The following CRTC3 variants were observed in gnomAD, a reference collection of about 807,000 sequenced individuals.
The protein encoded by CRTC3 is CREB regulated transcription coactivator 3.
In CRTC3, 26 loss-of-function variants were observed where a neutral mutation model predicts 74.5. The observed-to-expected ratio is 0.35, with a 90% CI of 0.26 to 0.48. The LOEUF is 0.48. Among genes scored for constraint, CRTC3 ranks in the 20% least tolerant of loss-of-function variants. CRTC3 has a pLI of 0.99. For synonymous variants in CRTC3, 377 were observed against 325.8 expected (o/e 1.16, Z -1.69); for missense variants, 760 against 787.3 (o/e 0.97, Z 0.41).
chr15:90,596,813 A>G (rs1596110693), intron 3 of CRTC3, among the ~76,000 whole-genome samples: 1 of 152,370 alleles, frequency 6.6e-6, no homozygotes, highest in African/African-American at 2.4e-5. Context: ...ATTTGAAAGT[A>G]TAAAACACTA....
At chr15:90,581,841 C>T (rs1226719819) in intron 2 of CRTC3, among the ~76,000 whole-genome samples, 1 of 152,166 alleles carries the variant, frequency 6.6e-6, no homozygotes, top group Non-Finnish European at 1.5e-5. Context: ...ATTCAGAATG[C>T]AGTGGGGGTG....
At chr15:90,531,299 T>C (rs7496379) in intron 1 of CRTC3, among the ~76,000 whole-genome samples, 127,098 of 151,972 alleles carry the variant, frequency 0.84, 53,681 homozygotes, top group Non-Finnish European at 0.9. Context: ...TAACACTAAT[T>C]CTGAATTCCT....
intron 2 of CRTC3, among the ~76,000 whole-genome samples, chr15:90,562,224 A>G (rs1462045987): frequency 6.6e-6 from 1 of 152,242 alleles, no homozygotes; most frequent in Non-Finnish European, 1.5e-5. Context: ...GACATATGAC[A>G]GAAGTTTAAG....
chr15:90,535,161 C>T (rs1187789634), intron 1 of CRTC3, among the ~76,000 whole-genome samples: 1 of 128,372 alleles, frequency 7.8e-6, no homozygotes, highest in Non-Finnish European at 1.6e-5. Context: ...AACTCCGTCT[C>T]AAAAAAAAAA....
Position 90,607,459 on chromosome 15 carries a change from C to G in CRTC3, c.558C>G (p.Ala186=), listed in dbSNP as rs1424974254. Residue 186 remains alanine (A), a synonymous_variant, in exon 6 of 15, where the codon GCC becomes GCG. Transcript: ENST00000268184. ...CCTATGGAGGAGGGGGCCAGTCGGC[C>G]TGGCCTGCCCCATACATGGGTAAGA... is the stretch of plus-strand genomic sequence containing the variant. The part of the protein sequence containing the change: ...QDPYGGGGQS[A]WPAPYMGFCD... 1 of 1,609,724 alleles carries G rather than the reference C, an allele frequency of 6.2e-7. No homozygotes were observed. The highest frequency in any genetic ancestry group is 8.5e-7 in the Non-Finnish European group (1 of 1,176,748).
intron 2 of CRTC3, among the ~76,000 whole-genome samples, chr15:90,565,012 G>C (rs1272429811): frequency 6.6e-6 from 1 of 152,028 alleles, no homozygotes; most frequent in Non-Finnish European, 1.5e-5. Context: ...ATGCGATCTT[G>C]GCTCACCGCA....
chr15:90,619,890 C>T (rs893374912), intron 9 of CRTC3, 100 bp downstream of exon 9: 4 of 966,834 alleles, frequency 4.1e-6, no homozygotes. Flanking sequence ...ACGTAACTTG[C>T]TATGCATAAA....
At chr15:90,605,084 G>C (rs1355470134) in intron 5 of CRTC3, among the ~76,000 whole-genome samples, 2 of 151,412 alleles carry the variant, frequency 1.3e-5, no homozygotes, top group East Asian at 1.9e-4. Flanking sequence ...AAGATGGTGA[G>C]ACCCTGTCTC....
At chr15:90,583,334 T>C (rs554292485) in intron 2 of CRTC3, among the ~76,000 whole-genome samples, 1 of 152,268 alleles carries the variant, frequency 6.6e-6, no homozygotes, top group South Asian at 2.1e-4. Flanking sequence ...AAATACAGAC[T>C]AGGAAGGGGC....
chr15:90,547,182 A>G (rs2151059660), intron 2 of CRTC3, among the ~76,000 whole-genome samples: 1 of 152,336 alleles, frequency 6.6e-6, no homozygotes, highest in East Asian at 1.9e-4. Context: ...TACCTTGTGG[A>G]ATGGCTAAAT....
rs767192680 is a variant in CRTC3, at chr15:90,593,769, C to T, written c.351+14C>T. Reference sequence around the variant, plus strand: ...CCAGGGCGACAAATATCCTTTTTTACTCTTCAAAGGGAGTGTGCATTCTGA... The same window carrying T: ...CCAGGGCGACAAATATCCTTTTTTATTCTTCAAAGGGAGTGTGCATTCTGA... On this transcript the variant is annotated intron_variant, in intron 3 of 14. Coordinates refer to ENST00000268184, the MANE Select transcript of CRTC3 (RefSeq NM_022769.5). 9.4e-6 allele frequency: 15 copies of T among 1,594,220 alleles called. No individual in the cohort carries two copies. Among genetic ancestry groups the T allele is most frequent in the Non-Finnish European group, 8.6e-7 (1 of 1,164,130 alleles).
At chr15:90,604,611 T>C (rs1161612536) in intron 5 of CRTC3, 164 bp downstream of exon 5, 1 of 603,214 alleles carries the variant, frequency 1.7e-6, no homozygotes, top group Non-Finnish European at 3.0e-6. Context: ...GGGGAAAGTA[T>C]AGAGCACACG....
chr15:90,530,278 G>T lies in CRTC3; in HGVS notation c.132+75G>T. The T allele has an allele frequency of 1.1e-6, 1 of 913,324 alleles. No homozygotes were observed. The highest frequency in any genetic ancestry group is 1.1e-4 in the East Asian group (1 of 9,124). The allele number at this position is 913,324 out of a possible 1,614,324, so 56.6% of individuals were successfully genotyped here. A position where few individuals can be genotyped will look rare whatever the true frequency, so the allele number is the denominator to read the frequency against. On this transcript the variant is annotated intron_variant, in intron 1 of 14. Transcript: ENST00000268184. The surrounding 1 kb of genome is among the most constrained non-coding windows in gnomAD (Gnocchi z 6.2). ...ACCCGCGCGGCGGGTGAGAGGTTGC[G>T]GGGCCAAGGCGATGGCGGGGCCGGG... is the stretch of plus-strand genomic sequence containing the variant.
intron 6 of CRTC3, among the ~76,000 whole-genome samples, chr15:90,612,332 G>C (rs1968383456): frequency 6.6e-6 from 1 of 152,086 alleles, no homozygotes. Context: ...CACATAGTAA[G>C]TGAGCAGTCA....
intron 2 of CRTC3, among the ~76,000 whole-genome samples, chr15:90,546,459 T>A (rs1966844468): frequency 6.6e-6 from 1 of 152,234 alleles, no homozygotes; most frequent in Non-Finnish European, 1.5e-5. Context: ...ATTTTGCTAA[T>A]ACCACACTGT....
In CRTC3 at chr15:90,642,736, G is replaced by GTC. The variant is rs1373568317; in HGVS notation, c.*596_*597insTC. 1.3e-5 allele frequency: 3 copies of GTC among 231,704 alleles called. No homozygotes were observed. In the East Asian group the frequency reaches 1.8e-4, roughly 14 times the overall value. 14.4% of individuals were successfully genotyped at this position (231,704 alleles called of 1,614,324 possible). On this transcript the variant is annotated 3_prime_UTR_variant, in exon 15 of 15. Coordinates refer to ENST00000268184, the MANE Select transcript of CRTC3 (RefSeq NM_022769.5). The stretch of plus-strand genomic sequence containing the variant: ...AGGGCAGGCTTGAGTTAGGCAGACT[G>GTC]AAGGCTAATTTTCATTTTCTCCCAG...
intron 2 of CRTC3, among the ~76,000 whole-genome samples, chr15:90,587,128 T>C (rs1967683294): frequency 6.6e-6 from 1 of 152,178 alleles, no homozygotes; most frequent in African/African-American, 2.4e-5. Flanking sequence ...GAGGAAGTAA[T>C]TTCCCCCCTA....
intron 2 of CRTC3, among the ~76,000 whole-genome samples, chr15:90,584,323 CA>C (rs1967610412): frequency 6.6e-6 from 1 of 151,740 alleles, no homozygotes; most frequent in African/African-American, 2.4e-5. Flanking sequence ...CTACACCCTC[CA>C]CCTCCTGGAT....
chr15:90,580,759 A>G (rs1156528229), intron 2 of CRTC3, among the ~76,000 whole-genome samples: 1 of 152,070 alleles, frequency 6.6e-6, no homozygotes, highest in Non-Finnish European at 1.5e-5. Context: ...GACAAAAGGA[A>G]TGCCAGACCA....
Sources: gnomAD v4.1 joint callset for allele counts (sites outside exome capture counted in the v4.1 genomes callset) on GRCh38, gnomAD v4.1.1 for gene constraint, Gnocchi (gnomAD v3.1) non-coding constraint, MANE v1.5 for transcripts, NCBI Gene and HGNC (gene_info 2026-07-23, HGNC 2026-07-21) for gene names.